The following CD44 variants were observed in gnomAD, a reference collection of about 807,000 sequenced individuals.
CD44 encodes the protein CD44 molecule (IN blood group), also known as CD44 antigen.
A neutral mutation model predicts 88.8 loss-of-function variants in CD44; 49 were observed. The observed-to-expected ratio is 0.55, with a 90% CI of 0.44 to 0.70. The LOEUF (loss-of-function observed/expected upper bound fraction) is 0.70. Among genes scored for constraint, CD44 ranks in the 30% least tolerant of loss-of-function variants. CD44 has a pLI of 0.00. For missense variants in CD44, 883 were observed against 913.8 expected (o/e 0.97, Z 0.43); for synonymous variants, 325 against 312.3 (o/e 1.04, Z -0.43).
At chr11:35,180,538 G>A in intron 3 of CD44, 131 bp downstream of exon 3, 2 of 964,168 alleles carry the variant, frequency 2.1e-6, no homozygotes, top group South Asian at 1.6e-5. Context: ...GTACAGCAGA[G>A]CCAACATTCC....
rs184388409 is a variant in CD44, at chr11:35,185,308, A to G, written c.368-1524A>G. 1.1e-3 allele frequency among the ~76,000 whole-genome samples: 174 copies of G among 152,324 alleles called. 1 individual carries two copies. Among genetic ancestry groups the G allele is most frequent in the Admixed American group, 4.3e-3 (66 of 15,304 alleles). On this transcript the variant is annotated intron_variant, in intron 3 of 17. Coordinates refer to ENST00000428726, the MANE Select transcript of CD44 (RefSeq NM_000610.4). ...AGGCTTTGCAAGAATGGTGTTTCCT[A>G]AAACTTTCTGTTTTTTTCCAATTGA...
At chr11:35,224,688 T>C (rs1411840468) in intron 17 of CD44, among the ~76,000 whole-genome samples, 1 of 152,046 alleles carries the variant, frequency 6.6e-6, no homozygotes, top group African/African-American at 2.4e-5. Context: ...CAGTGAGCCA[T>C]GATAGTGCCA....
In CD44 at chr11:35,148,155, G is replaced by A. The variant is rs574579700; in HGVS notation, c.67+8785G>A. On this transcript the variant is annotated intron_variant, in intron 1 of 17. Transcript: ENST00000428726. ...ATGCAGCCAACACCTGGTCTCCTGCGTTTGGCTTAGAAGGGCATTTCTGCC... is the reference window on the plus strand; with the variant it reads ...ATGCAGCCAACACCTGGTCTCCTGCATTTGGCTTAGAAGGGCATTTCTGCC... 1.2e-4 allele frequency among the ~76,000 whole-genome samples: 18 copies of A among 151,796 alleles called. No homozygotes were observed. The East Asian group carries it at 2.3e-3, about 20-fold the overall frequency.
chr11:35,222,813 A>G (rs1368429407), intron 17 of CD44: 11 of 984,832 alleles, frequency 1.1e-5, no homozygotes, highest in Non-Finnish European at 1.3e-5. Context: ...ATGGTTTCTC[A>G]TAAGGTAAAA....
chr11:35,173,775 CCATACAATTCAATAATAATGACTCTTTGT>C (rs1944162386), intron 1 of CD44, among the ~76,000 whole-genome samples: 1 of 152,072 alleles, frequency 6.6e-6, no homozygotes, highest in Non-Finnish European at 1.5e-5. Flanking sequence ...CAGTGGTTGC[CCATACAATTCAATAATAATGACTCTTTGT>C]CATTATTTAA....
chr11:35,189,745 A>T lies in CD44; in HGVS notation c.437-90A>T, dbSNP rs113956833. The T allele has an allele frequency of 8.4e-5, 73 of 865,094 alleles. 1 individual carries two copies. The African/African-American group carries it at 9.4e-4, about 11-fold the overall frequency. The allele number at this position is 865,094 out of a possible 1,614,324, so 53.6% of individuals were successfully genotyped here. On this transcript the variant is annotated intron_variant, in intron 4 of 17. Transcript: ENST00000428726. ...GATAGGTGTTTCTCATTACAAAGGAAAATAGCTTTGAAGTCACTATGTTAA... is the reference window on the plus strand; with the variant it reads ...GATAGGTGTTTCTCATTACAAAGGATAATAGCTTTGAAGTCACTATGTTAA...
intron 17 of CD44, among the ~76,000 whole-genome samples, chr11:35,225,481 A>G (rs1321965906): frequency 6.6e-6 from 1 of 152,202 alleles, no homozygotes; most frequent in Non-Finnish European, 1.5e-5. Context: ...AGATAAAGGT[A>G]AGACACAGAT....
At chr11:35,183,565 G>A (rs1182800131) in intron 3 of CD44, among the ~76,000 whole-genome samples, 2 of 152,256 alleles carry the variant, frequency 1.3e-5, no homozygotes, top group South Asian at 2.1e-4. Context: ...CCCATAAAAC[G>A]GCTACAGGGA....
intron 17 of CD44, among the ~76,000 whole-genome samples, chr11:35,226,428 C>T (rs1949692389): frequency 6.6e-6 from 1 of 152,212 alleles, no homozygotes; most frequent in African/African-American, 2.4e-5. Flanking sequence ...TTGGAAGTAA[C>T]ACAAGCAGTA....
At chr11:35,166,206 G>A (rs900857517) in intron 1 of CD44, among the ~76,000 whole-genome samples, 6 of 152,194 alleles carry the variant, frequency 3.9e-5, no homozygotes, top group Non-Finnish European at 5.9e-5. Flanking sequence ...AACAAAGATC[G>A]TGAGGCCAGA....
chr11:35,201,832 A>G, intron 9 of CD44, 45 bp downstream of exon 9: 2 of 1,597,046 alleles, frequency 1.3e-6, no homozygotes, highest in Non-Finnish European at 1.7e-6. Context: ...ATGAATTAGT[A>G]AAGACATTCC....
chr11:35,154,450 G>GT (rs1941588956), intron 1 of CD44, among the ~76,000 whole-genome samples: 1 of 152,176 alleles, frequency 6.6e-6, no homozygotes, highest in South Asian at 2.1e-4. Context: ...CGAGATAGTT[G>GT]TGCTGACAAA....
chr11:35,209,596 G>A (rs10488811), intron 12 of CD44, among the ~76,000 whole-genome samples: 7,061 of 152,128 alleles, frequency 0.046, 584 homozygotes, highest in African/African-American at 0.16. Flanking sequence ...GTTACTGATA[G>A]GAGCATTGGG....
intron 14 of CD44, among the ~76,000 whole-genome samples, chr11:35,212,115 CT>C (rs896494916): frequency 4.6e-5 from 7 of 151,032 alleles, no homozygotes; most frequent in East Asian, 3.9e-4. Context: ...TAGAATAAGT[CT>C]TTTTTTTTCT....
In CD44 at chr11:35,229,319, A is replaced by G. The variant is rs200314711; in HGVS notation, c.2215A>G (p.Lys739Glu). The G allele has an allele frequency of 6.2e-7, 1 of 1,611,084 alleles. No homozygotes were observed. Among genetic ancestry groups the G allele is most frequent in the Non-Finnish European group, 8.5e-7 (1 of 1,177,512 alleles). ...ETRNLQNVDM[K>E]IGV ...AAGGAACCTGCAGAATGTGGACATG[A>G]AGATTGGGGTGTAACACCTACACCA... is the stretch of plus-strand genomic sequence containing the variant. Residue 739 changes from lysine to glutamate, a missense_variant, in exon 18 of 18, where the codon AAG becomes GAG. By Grantham distance (56) the Lys-to-Glu change is moderately conservative. Transcript: ENST00000428726.
intron 17 of CD44, chr11:35,222,745 AT>A: frequency 1.0e-6 from 1 of 976,548 alleles, no homozygotes. Context: ...AAGATACATT[AT>A]TTTTCTCCAG....
At chr11:35,216,510 G>T (rs971261643) in intron 15 of CD44, among the ~76,000 whole-genome samples, 7 of 152,216 alleles carry the variant, frequency 4.6e-5, no homozygotes, top group African/African-American at 9.6e-5. Flanking sequence ...GGAGCACTAG[G>T]AGGTAGGGAT....
intron 3 of CD44, 142 bp downstream of exon 3, chr11:35,180,549 T>C (rs1591088378): frequency 3.4e-6 from 3 of 879,020 alleles, no homozygotes; most frequent in Non-Finnish European, 3.6e-6. Context: ...CCAACATTCC[T>C]GTCTCCATGG....
At chr11:35,180,233 T>A in intron 2 of CD44, 41 bp from the exon 3 acceptor site, 1 of 1,606,630 alleles carries the variant, frequency 6.2e-7, no homozygotes, top group South Asian at 1.1e-5. Flanking sequence ...AATTCCCATC[T>A]TAGCCATTTA....
Sources: gnomAD v4.1 joint callset for allele counts (sites outside exome capture counted in the v4.1 genomes callset) on GRCh38, gnomAD v4.1.1 for gene constraint, MANE v1.5 for transcripts, NCBI Gene and HGNC (gene_info 2026-07-23, HGNC 2026-07-21) for gene names.